Variants in RTN4RL2 observed in about 807,000 individuals in gnomAD.
RTN4RL2 encodes reticulon-4 receptor-like 2.
A neutral mutation model predicts 27.8 loss-of-function variants in RTN4RL2; 9 were observed. The observed-to-expected ratio is 0.32, with a 90% CI of 0.20 to 0.57. The LOEUF is 0.57. RTN4RL2 is among the 20% of genes least tolerant of loss of function. The pLI is 0.90. For missense variants in RTN4RL2, 436 were observed against 596.8 expected (o/e 0.73, Z 2.81); for synonymous variants, 285 against 297.9 (o/e 0.96, Z 0.45).
At chr11:57,473,738 G>C (rs902100136) in intron 2 of RTN4RL2, among the ~76,000 whole-genome samples, 1 of 152,054 alleles carries the variant, frequency 6.6e-6, no homozygotes, top group African/African-American at 2.4e-5. Flanking sequence ...CTTGGATGGG[G>C]GGAGGAGGCA....
At chr11:57,463,875 C>A (rs987374820) in intron 1 of RTN4RL2, among the ~76,000 whole-genome samples, 6 of 151,946 alleles carry the variant, frequency 3.9e-5, no homozygotes, top group Non-Finnish European at 8.8e-5. Flanking sequence ...ACCACCTCTG[C>A]CCTGGAGTGC....
chr11:57,463,386 G>T (rs1943497608), intron 1 of RTN4RL2, among the ~76,000 whole-genome samples: 1 of 152,220 alleles, frequency 6.6e-6, no homozygotes, highest in Admixed American at 6.5e-5. Flanking sequence ...TGAGCAGAGA[G>T]GGTGGGGGAG....
At position 57,476,283 on chromosome 11, in the gene RTN4RL2, G is replaced by A. The variant is rs748704029; in HGVS notation, c.635G>A (p.Gly212Glu). The A allele has an allele frequency of 3.7e-6, 6 of 1,612,242 alleles. No homozygotes were observed. In the African/African-American group the frequency reaches 5.3e-5, roughly 14 times the overall value. The stretch of plus-strand genomic sequence containing the variant: ...AGCCTGGACCGGCTGCTGCTGCACG[G>A]GAACCGGCTGCAGGGCGTGCACCGC... Reference protein sequence around the residue: ...LGSLDRLLLHGNRLQGVHRAA... With the variant: ...LGSLDRLLLHENRLQGVHRAA... Residue 212 changes from glycine (G) to glutamate (E), a missense_variant, in exon 3 of 3, where the codon GGG (glycine) becomes GAG (glutamate). By Grantham distance (98) the Gly-to-Glu change is moderately conservative (BLOSUM62 -2). Transcript: ENST00000335099. This position sits in a 1 kb window ranked among gnomAD's most constrained non-coding sequence, Gnocchi z 8.2.
At position 57,476,572 on chromosome 11, in the gene RTN4RL2, G is replaced by A; in HGVS notation, c.924G>A (p.Gln308=). 1 of 1,399,016 alleles carries A rather than the reference G, an allele frequency of 7.1e-7. No homozygotes were observed. Among genetic ancestry groups the A allele is most frequent in the Non-Finnish European group, 9.2e-7 (1 of 1,083,960 alleles). 86.7% of individuals were successfully genotyped at this position (1,399,016 alleles called of 1,614,324 possible). The part of the protein sequence containing the change: ...DLRALREADF[Q]ACPPAAPTRP... ...GCGCGCTCCGCGAGGCCGACTTCCAGGCGTGTCCGCCCGCGGCACCCACGC... is the reference window on the plus strand; with the variant it reads ...GCGCGCTCCGCGAGGCCGACTTCCAAGCGTGTCCGCCCGCGGCACCCACGC... Residue 308 remains glutamine (Q), a synonymous_variant, in exon 3 of 3, where the codon CAG becomes CAA. Transcript: ENST00000335099. The surrounding 1 kb of genome is among the most constrained non-coding windows in gnomAD (Gnocchi z 8.2).
chr11:57,463,575 T>G (rs542306247), intron 1 of RTN4RL2, among the ~76,000 whole-genome samples: 20 of 152,090 alleles, frequency 1.3e-4, no homozygotes, highest in African/African-American at 3.9e-4. Context: ...GGGTCGGCTC[T>G]AGGTGGCCAC....
At chr11:57,475,892 T>C (rs1327362719) in intron 2 of RTN4RL2, among the ~76,000 whole-genome samples, 1 of 152,152 alleles carries the variant, frequency 6.6e-6, no homozygotes, top group African/African-American at 2.4e-5. Flanking sequence ...TTAGAAACTC[T>C]GCCCCCCGCC....
chr11:57,466,668 AAAGT>A (rs1485256674), intron 1 of RTN4RL2, among the ~76,000 whole-genome samples: 1 of 152,180 alleles, frequency 6.6e-6, no homozygotes, highest in African/African-American at 2.4e-5. Flanking sequence ...AAAGTACAGG[AAAGT>A]AAGGGCACTG....
rs767588840 is a variant in RTN4RL2, at chr11:57,468,911, A to G, written c.513+821A>G. ...ATTGTTGTTATGCTGACTGTTTGAC[A>G]CGCAAATCATCCCACTCCATTTCCC... On this transcript the variant is annotated intron_variant, in intron 2 of 2. Coordinates refer to ENST00000335099, the MANE Select transcript of RTN4RL2 (RefSeq NM_178570.3). 5.0e-6 allele frequency: 4 copies of G among 793,746 alleles called. No individual in the cohort carries two copies. The South Asian group carries it at 5.8e-5, about 11-fold the overall frequency. The allele number at this position is 793,746 out of a possible 1,614,324, so 49.2% of individuals were successfully genotyped here.
chr11:57,476,147 C>T lies in RTN4RL2; in HGVS notation c.514-15C>T, dbSNP rs1314543473. On this transcript the variant is annotated splice_polypyrimidine_tract_variant and intron_variant, in intron 2 of 2. Transcript: ENST00000335099. This position sits in a 1 kb window ranked among gnomAD's most constrained non-coding sequence, Gnocchi z 8.2. ...GCCCATTCTCTTCTTCTGTGCCCCA[C>T]TCCACCCCACCCAGGATGACTTGTT... 1.3e-6 allele frequency: 2 copies of T among 1,592,446 alleles called. No homozygotes were observed. The highest frequency in any genetic ancestry group is 2.7e-5 in the African/African-American group (2 of 74,496).
chr11:57,469,011 G>A, intron 2 of RTN4RL2: 1 of 627,728 alleles, frequency 1.6e-6, no homozygotes. Flanking sequence ...CCGGCTGGAA[G>A]GGGGTGAAAA....
At position 57,460,619 on chromosome 11, in the gene RTN4RL2, CG is replaced by C. The variant is rs914753685; in HGVS notation, c.-246del. ...CAGCTAGCGGGGCGCGGGCGCTGGG[CG>C]TCGACGGCCAGCCCCAGCCTTCCCC... is the stretch of plus-strand genomic sequence containing the variant. On this transcript the variant is annotated 5_prime_UTR_variant, in exon 1 of 3. Coordinates refer to ENST00000335099, the MANE Select transcript of RTN4RL2 (RefSeq NM_178570.3). The C allele has an allele frequency of 3.1e-5, 6 of 190,592 alleles. No individual in the cohort carries two copies. In the Middle Eastern group the frequency reaches 6.1e-3, roughly 194 times the overall value. The allele number at this position is 190,592 out of a possible 1,614,324, so 11.8% of individuals were successfully genotyped here. A position where few individuals can be genotyped will look rare whatever the true frequency, so the allele number is the denominator to read the frequency against.
intron 2 of RTN4RL2, among the ~76,000 whole-genome samples, chr11:57,472,414 T>C (rs1341671519): frequency 6.6e-6 from 1 of 152,072 alleles, no homozygotes; most frequent in East Asian, 1.9e-4. Flanking sequence ...TTTCACCATG[T>C]TGCCCAGGCT....
intron 1 of RTN4RL2, among the ~76,000 whole-genome samples, chr11:57,463,498 G>C (rs1247540475): frequency 6.6e-6 from 1 of 152,150 alleles, no homozygotes; most frequent in African/African-American, 2.4e-5. Flanking sequence ...CTGGTCAGGA[G>C]GCCTGGGGTG....
intron 2 of RTN4RL2, among the ~76,000 whole-genome samples, chr11:57,475,137 C>T (rs1215199377): frequency 6.6e-6 from 1 of 152,304 alleles, no homozygotes; most frequent in African/African-American, 2.4e-5. Context: ...GACTATGCAC[C>T]TGCCAGATAC....
chr11:57,462,887 T>C (rs1943494466), intron 1 of RTN4RL2, among the ~76,000 whole-genome samples: 1 of 152,096 alleles, frequency 6.6e-6, no homozygotes, highest in Non-Finnish European at 1.5e-5. Context: ...GCCTAGGAGG[T>C]GAAAGTTGCA....
In RTN4RL2 at chr11:57,460,845, T is replaced by TC. The variant is rs1333498449; in HGVS notation, c.-16dup. On this transcript the variant is annotated 5_prime_UTR_variant, in exon 1 of 3. Coordinates refer to ENST00000335099, the MANE Select transcript of RTN4RL2 (RefSeq NM_178570.3). ...GGAGCGCCCTCCCCCCGCTGCCCCC[T>TC]CCCCCGAGCATCGAGACAAGATGCT... 7 of 1,393,962 alleles carry TC rather than the reference T, an allele frequency of 5.0e-6. No homozygotes were observed. The highest frequency in any genetic ancestry group is 6.6e-6 in the Non-Finnish European group (7 of 1,058,502). 86.3% of individuals were successfully genotyped at this position (1,393,962 alleles called of 1,614,324 possible). A position where few individuals can be genotyped will look rare whatever the true frequency, so the allele number is the denominator to read the frequency against.
At position 57,476,207 on chromosome 11, in the gene RTN4RL2, C is replaced by T; in HGVS notation, c.559C>T (p.His187Tyr). ...DLANLSHLFL[H>Y]GNRLRLLTEH... ...GGCCAACCTGAGCCACCTCTTCCTCCACGGGAACCGCCTGCGGCTGCTCAC... is the reference window on the plus strand; with the variant it reads ...GGCCAACCTGAGCCACCTCTTCCTCTACGGGAACCGCCTGCGGCTGCTCAC... The change falls in exon 3 of 3, where the codon CAC becomes TAC. Residue 187 changes from histidine (H) to tyrosine (Y), a missense_variant. Coordinates refer to ENST00000335099, the MANE Select transcript of RTN4RL2 (RefSeq NM_178570.3). This position sits in a 1 kb window ranked among gnomAD's most constrained non-coding sequence, Gnocchi z 8.2. 1 of 1,611,826 alleles carries T rather than the reference C, an allele frequency of 6.2e-7. No homozygotes were observed. The highest frequency in any genetic ancestry group is 8.5e-7 in the Non-Finnish European group (1 of 1,179,028).
At position 57,464,597 on chromosome 11, in the gene RTN4RL2, C is replaced by T. The variant is rs368561655; in HGVS notation, c.32-3012C>T. Among the ~76,000 whole-genome samples the T allele has an allele frequency of 3.3e-5, 5 of 152,320 alleles. 1 individual carries two copies. Among genetic ancestry groups the T allele is most frequent in the African/African-American group, 1.2e-4 (5 of 41,566 alleles). On this transcript the variant is annotated intron_variant, in intron 1 of 2. Coordinates refer to ENST00000335099, the MANE Select transcript of RTN4RL2 (RefSeq NM_178570.3). ...ATCAAGAGACTTTTCTGGCCCTTTC[C>T]CTGCCAACACTTTGCTGTGTGACCT...
At chr11:57,472,226 T>C (rs1262575920) in intron 2 of RTN4RL2, among the ~76,000 whole-genome samples, 1 of 152,030 alleles carries the variant, frequency 6.6e-6, no homozygotes, top group Non-Finnish European at 1.5e-5. Flanking sequence ...TTGTTTTGTT[T>C]TTGTTTTTGA....
Sources: gnomAD v4.1 joint callset for allele counts (sites outside exome capture counted in the v4.1 genomes callset) on GRCh38, gnomAD v4.1.1 for gene constraint, Gnocchi (gnomAD v3.1) non-coding constraint, MANE v1.5 for transcripts, NCBI Gene and HGNC (gene_info 2026-07-23, HGNC 2026-07-21) for gene names.